Variants in SLC16A2 observed in about 807,000 individuals in gnomAD.
The protein encoded by SLC16A2 is monocarboxylate transporter 8.
Under a neutral mutation model 27.2 loss-of-function variants are expected in SLC16A2, and 3 were observed. The ratio of observed to expected loss-of-function variants is 0.11; its 90% CI spans 0.05 to 0.28. The LOEUF (loss-of-function observed/expected upper bound fraction) is 0.28. Among genes scored for constraint, SLC16A2 ranks in the 10% least tolerant of loss-of-function variants. The pLI, the probability that SLC16A2 is intolerant of heterozygous loss-of-function variation, is 1.00. For synonymous variants in SLC16A2, 202 were observed against 187.8 expected, an observed-to-expected ratio of 1.08 and a Z score of -0.62; for missense variants, 295 against 458.5, an observed-to-expected ratio of 0.64 and a Z score of 3.26.
rs144332377 is a variant in SLC16A2 at position 74,529,071 on chromosome X, C to T, written c.1171-142C>T. 0.012 allele frequency: 5,762 copies of T among 468,536 alleles called. 42 individuals are homozygous for T. Among genetic ancestry groups the T allele is most frequent in the Non-Finnish European group, 0.017 (4,519 of 267,136 alleles). The allele number at this position is 468,536 out of a possible 1,213,427, so 38.6% of individuals were successfully genotyped here. On this transcript the variant is annotated intron_variant, in intron 4 of 5. Coordinates refer to ENST00000587091, the MANE Select transcript of SLC16A2 (RefSeq NM_006517.5). ...TTTGAAAGGGCCTAACCATTCAGCCCAACTGCTCTCTCTGTTGACACCTTC... is the reference window on the plus strand; with the variant it reads ...TTTGAAAGGGCCTAACCATTCAGCCTAACTGCTCTCTCTGTTGACACCTTC...
At chrX:74,434,679 A>C (rs935357742) in intron 1 of SLC16A2, among the ~76,000 whole-genome samples, 4 of 111,335 alleles carry the variant, frequency 3.6e-5, no homozygotes, top group African/African-American at 1.3e-4. Context: ...AAAGAAGAGC[A>C]TAAGTAGCAG....
intron 1 of SLC16A2, among the ~76,000 whole-genome samples, chrX:74,435,329 C>T (rs1482945964): frequency 9.2e-6 from 1 of 108,415 alleles, no homozygotes; most frequent in Admixed American, 1.0e-4. Flanking sequence ...TTCATATTCC[C>T]ACTTTACAGT....
At chrX:74,436,816 G>C (rs941644519) in intron 1 of SLC16A2, among the ~76,000 whole-genome samples, 1 of 111,852 alleles carries the variant, frequency 8.9e-6, no homozygotes, top group Non-Finnish European at 1.9e-5. Flanking sequence ...CTTCTAGGCT[G>C]TTCTGATGTT....
At chrX:74,470,558 C>A (rs969897997) in intron 1 of SLC16A2, among the ~76,000 whole-genome samples, 2 of 111,891 alleles carry the variant, frequency 1.8e-5, no homozygotes, top group African/African-American at 6.5e-5. Flanking sequence ...ATCTGCAATT[C>A]CCTCATGACA....
intron 1 of SLC16A2, among the ~76,000 whole-genome samples, chrX:74,466,317 C>T (rs1929249457): frequency 9.0e-6 from 1 of 111,631 alleles, no homozygotes; most frequent in Admixed American, 9.6e-5. Flanking sequence ...ATTCCTCTGA[C>T]CTTTCTTGAG....
chrX:74,482,551 T>C (rs894273970), intron 1 of SLC16A2, among the ~76,000 whole-genome samples: 9 of 111,925 alleles, frequency 8.0e-5, no homozygotes, highest in African/African-American at 2.9e-4. Flanking sequence ...GTTTGCTAAC[T>C]TTATTTCCTG....
intron 1 of SLC16A2, among the ~76,000 whole-genome samples, chrX:74,514,169 C>T (rs938776169): frequency 9.2e-6 from 1 of 109,207 alleles, no homozygotes; most frequent in Non-Finnish European, 1.9e-5. Context: ...TAAGAAAAAA[C>T]GTAACAGAAA....
Position 74,507,219 on chromosome X carries a change from G to A in SLC16A2, c.431-13771G>A, listed in dbSNP as rs1001508825. ...CATCTGCCTGTCTCAGCCTCCAAAAGTGTTAGGATTACAGGCATGAGCAAC... is the reference window on the plus strand; with the variant it reads ...CATCTGCCTGTCTCAGCCTCCAAAAATGTTAGGATTACAGGCATGAGCAAC... On this transcript the variant is annotated intron_variant, in intron 1 of 5. Coordinates refer to ENST00000587091, the MANE Select transcript of SLC16A2 (RefSeq NM_006517.5). 2.7e-5 allele frequency among the ~76,000 whole-genome samples: 3 copies of A among 110,908 alleles called. No individual in the cohort carries two copies. In the Admixed American group the frequency reaches 2.9e-4, roughly 11 times the overall value.
chrX:74,501,752 T>C (rs1326776178), intron 1 of SLC16A2, among the ~76,000 whole-genome samples: 2 of 111,488 alleles, frequency 1.8e-5, no homozygotes, highest in South Asian at 3.8e-4. Flanking sequence ...CAAAATCCTG[T>C]CTACCCTCCA....
At chrX:74,437,949 G>C (rs1928656776) in intron 1 of SLC16A2, among the ~76,000 whole-genome samples, 2 of 111,852 alleles carry the variant, frequency 1.8e-5, no homozygotes, top group Non-Finnish European at 3.8e-5. Context: ...CTCCACGTAA[G>C]ACCACCCAAC....
intron 1 of SLC16A2, among the ~76,000 whole-genome samples, chrX:74,501,701 C>T (rs1930039308): frequency 9.0e-6 from 1 of 111,390 alleles, no homozygotes; most frequent in Non-Finnish European, 1.9e-5. Context: ...ATGCCTCAGG[C>T]CTAAGGGTAT....
At position 74,531,802 on chromosome X, in the gene SLC16A2, C is replaced by G; in HGVS notation, c.*249C>G. The G allele has an allele frequency of 2.3e-6, 1 of 431,891 alleles. No individual in the cohort carries two copies. The highest frequency in any genetic ancestry group is 4.1e-6 in the Non-Finnish European group (1 of 245,741). 35.6% of individuals were successfully genotyped at this position (431,891 alleles called of 1,213,427 possible). On this transcript the variant is annotated 3_prime_UTR_variant, in exon 6 of 6. Coordinates refer to ENST00000587091, the MANE Select transcript of SLC16A2 (RefSeq NM_006517.5). ...ATCTGGGAAAGCTTGGGAACCACCC[C>G]TGGCCTTTGGAACCTCTCCATATAC...
intron 1 of SLC16A2, among the ~76,000 whole-genome samples, chrX:74,433,432 G>A (rs1001052039): frequency 2.7e-5 from 3 of 109,679 alleles, no homozygotes; most frequent in Non-Finnish European, 5.7e-5. Flanking sequence ...GTGGCGCTGA[G>A]GCTTGGGGTC....
At chrX:74,482,732 A>G (rs1929645174) in intron 1 of SLC16A2, among the ~76,000 whole-genome samples, 1 of 109,877 alleles carries the variant, frequency 9.1e-6, no homozygotes, top group Non-Finnish European at 1.9e-5. Flanking sequence ...GGGTCTCTCT[A>G]GGTCACCCAG....
intron 1 of SLC16A2, among the ~76,000 whole-genome samples, chrX:74,480,695 T>C (rs1255081136): frequency 8.9e-6 from 1 of 112,701 alleles, no homozygotes; most frequent in Non-Finnish European, 1.9e-5. Context: ...TAGTTTTATT[T>C]TTTCCTTTTC....
intron 1 of SLC16A2, among the ~76,000 whole-genome samples, chrX:74,441,652 GGC>G (rs1436163828): frequency 9.0e-6 from 1 of 111,079 alleles, no homozygotes; most frequent in Admixed American, 9.6e-5. Context: ...AACTTTCCAG[GGC>G]TTTGAATATG....
intron 1 of SLC16A2, among the ~76,000 whole-genome samples, chrX:74,511,205 G>A (rs1197095021): frequency 1.8e-5 from 2 of 109,904 alleles, no homozygotes; most frequent in Non-Finnish European, 3.8e-5. Flanking sequence ...TTTTTGAGAC[G>A]GAGTCTCGCT....
chrX:74,428,130 C>G (rs1928450355), intron 1 of SLC16A2, among the ~76,000 whole-genome samples: 1 of 111,191 alleles, frequency 9.0e-6, no homozygotes, highest in African/African-American at 3.3e-5. Context: ...TCCCAGTATT[C>G]AAATATTACT....
At chrX:74,483,094 T>C (rs1929654573) in intron 1 of SLC16A2, among the ~76,000 whole-genome samples, 1 of 111,182 alleles carries the variant, frequency 9.0e-6, no homozygotes, top group Non-Finnish European at 1.9e-5. Context: ...TCTGGCCTAG[T>C]TCAATGAAGC....
Sources: allele counts gnomAD v4.1 joint callset (sites outside exome capture counted in the v4.1 genomes callset), GRCh38; gene constraint gnomAD v4.1.1; transcripts MANE v1.5; gene names NCBI Gene and HGNC (gene_info 2026-07-23, HGNC 2026-07-21).